Variants in ZNF544 observed in about 807,000 individuals in gnomAD.
The protein encoded by ZNF544 is zinc finger protein 544.
A neutral mutation model predicts 13.5 loss-of-function variants in ZNF544; 10 were observed. The observed-to-expected ratio is 0.74, with a 90% CI of 0.46 to 1.25. The LOEUF is 1.25. Among genes scored for constraint, ZNF544 ranks in the 50% most tolerant of loss-of-function variants. ZNF544 has a pLI of 0.00. For synonymous variants in ZNF544, 323 were observed against 300.5 expected (o/e 1.07, Z -0.77); for missense variants, 896 against 845.6 (o/e 1.06, Z -0.74).
intron 5 of ZNF544, 53 bp from the exon 6 acceptor site, chr19:58,246,658 A>G (rs372341140): frequency 1.3e-5 from 20 of 1,595,778 alleles, no homozygotes; most frequent in Admixed American, 1.7e-5. Flanking sequence ...GACCCAGGAC[A>G]TGGTTCTTGG....
chr19:58,277,332 G>A, exon 7 of ZNF544: 1 of 1,116,756 alleles, frequency 9.0e-7, no homozygotes, highest in East Asian at 3.2e-5. Flanking sequence ...CGTCCCCACT[G>A]GTAACGTCTT....
At position 58,262,887 on chromosome 19, in the gene ZNF544, G is replaced by A. The variant is rs1423654807; in HGVS notation, c.*133G>A. 2.7e-6 allele frequency: 4 copies of A among 1,488,414 alleles called. No homozygotes were observed. The highest frequency in any genetic ancestry group is 2.3e-5 in the East Asian group (1 of 43,104). The allele number at this position is 1,488,414 out of a possible 1,614,324, so 92.2% of individuals were successfully genotyped here. On this transcript the variant is annotated 3_prime_UTR_variant, in exon 7 of 7. Transcript: ENST00000687789. ...CGGTTGTGACTCATTGAACATCAGA[G>A]GACATATCCTGGAGAAAAGCCCTAC...
At chr19:58,274,614 T>C (rs1309836283) in intron 5 of ZNF544, among the ~76,000 whole-genome samples, 2 of 152,216 alleles carry the variant, frequency 1.3e-5, no homozygotes, top group East Asian at 1.9e-4. Context: ...ATTTGTGGTA[T>C]GTTGTTACCA....
intron 6 of ZNF544, among the ~76,000 whole-genome samples, chr19:58,260,087 C>A (rs1426348127): frequency 6.6e-6 from 1 of 152,076 alleles, no homozygotes; most frequent in East Asian, 1.9e-4. Context: ...AGAGCAAGAT[C>A]CTGACTGTAG....
chr19:58,253,860 A>C (rs1182196620), intron 6 of ZNF544, among the ~76,000 whole-genome samples: 1 of 152,260 alleles, frequency 6.6e-6, no homozygotes, highest in Non-Finnish European at 1.5e-5. Flanking sequence ...TTGCAAAGAC[A>C]AATATAAAAC....
At chr19:58,267,687 AAAAAAAAAAAAAAG>A (rs1179269234), downstream of ZNF544, 4 of 32,814 alleles carry the variant, frequency 1.2e-4, no homozygotes, top group African/African-American at 2.4e-4. Flanking sequence ...AAAAAAAAAA[AAAAAAAAAAAAAAG>A]GTCTGGTGCG....
At chr19:58,239,925 C>A (rs576212914) in intron 3 of ZNF544, among the ~76,000 whole-genome samples, 1 of 151,444 alleles carries the variant, frequency 6.6e-6, no homozygotes, top group Non-Finnish European at 1.5e-5. Context: ...TTACAGTGGT[C>A]AAAGGCACGC....
intron 4 of ZNF544, among the ~76,000 whole-genome samples, chr19:58,244,597 G>A (rs914531232): frequency 8.6e-5 from 13 of 151,958 alleles, no homozygotes; most frequent in Admixed American, 5.2e-4. Flanking sequence ...ATTTTTTGAC[G>A]TAGGATCTCC....
intron 6 of ZNF544, among the ~76,000 whole-genome samples, chr19:58,250,993 A>C (rs1342932055): frequency 6.6e-6 from 1 of 152,206 alleles, no homozygotes; most frequent in Admixed American, 6.5e-5. Flanking sequence ...GCTGATTCCC[A>C]TTATGCGTGG....
intron 3 of ZNF544, among the ~76,000 whole-genome samples, chr19:58,237,155 C>T (rs1023849325): frequency 1.3e-5 from 2 of 151,536 alleles, no homozygotes; most frequent in Non-Finnish European, 2.9e-5. Context: ...GCGTCTGTTC[C>T]CAGGCTCCAG....
At chr19:58,253,979 C>T (rs147704331) in intron 6 of ZNF544, among the ~76,000 whole-genome samples, 1,540 of 152,306 alleles carry the variant, frequency 0.01, 34 homozygotes, top group African/African-American at 0.035. Flanking sequence ...CGGTGGCTCA[C>T]GCCTGTAATC....
chr19:58,260,358 C>T (rs1288850125), intron 6 of ZNF544: 1 of 152,444 alleles, frequency 6.6e-6, no homozygotes, highest in Non-Finnish European at 1.5e-5. Flanking sequence ...TTCACTGCAA[C>T]CTCCACCTCC....
In ZNF544 at chr19:58,262,554, C is replaced by T; in HGVS notation, c.1948C>T (p.His650Tyr). The change falls in exon 7 of 7, where the codon CAT (histidine) becomes TAT (tyrosine). Residue 650 changes from histidine to tyrosine, a missense_variant. His to Tyr is a moderately conservative substitution (Grantham distance 83, BLOSUM62 2). Coordinates refer to ENST00000687789, the MANE Select transcript of ZNF544 (RefSeq NM_014480.4). ...AFARSSYLVMHQRTHTGEKPF... is the reference protein window; with the variant it reads ...AFARSSYLVMYQRTHTGEKPF... ...TGCAAGGAGCTCCTACCTTGTGATG[C>T]ATCAGAGAACTCACACTGGTGAGAA... is the stretch of plus-strand genomic sequence containing the variant. The T allele has an allele frequency of 6.2e-7, 1 of 1,614,200 alleles. No individual in the cohort carries two copies. Among genetic ancestry groups the T allele is most frequent in the East Asian group, 2.2e-5 (1 of 44,894 alleles).
intron 5 of ZNF544, among the ~76,000 whole-genome samples, chr19:58,269,700 C>G (rs1450495808): frequency 6.6e-6 from 1 of 151,608 alleles, no homozygotes; most frequent in Non-Finnish European, 1.5e-5. Flanking sequence ...GCAGGTGGAT[C>G]ACTCTAGGTT....
At chr19:58,258,372 G>A (rs2048027951) in intron 6 of ZNF544, 1 of 156,912 alleles carries the variant, frequency 6.4e-6, no homozygotes, top group African/African-American at 2.4e-5. Context: ...AAGTGTGAGA[G>A]TGCTGGGTGT....
chr19:58,267,947 C>T (rs2058511562), downstream of ZNF544, among the ~76,000 whole-genome samples: 1 of 151,756 alleles, frequency 6.6e-6, no homozygotes. Flanking sequence ...CGCCACTGCA[C>T]TCCATCCTGA....
chr19:58,248,025 T>C (rs2045633189), intron 6 of ZNF544, among the ~76,000 whole-genome samples: 1 of 152,008 alleles, frequency 6.6e-6, no homozygotes, highest in Non-Finnish European at 1.5e-5. Flanking sequence ...GTGATTTTCC[T>C]GCCTCAACCT....
chr19:58,257,333 C>T (rs537356882), intron 6 of ZNF544: 3 of 152,242 alleles, frequency 2.0e-5, no homozygotes, highest in African/African-American at 7.2e-5. Flanking sequence ...GGGAGCAGGC[C>T]CAAGCAAGGC....
At chr19:58,239,500 T>C (rs1483870412) in intron 3 of ZNF544, among the ~76,000 whole-genome samples, 2 of 152,244 alleles carry the variant, frequency 1.3e-5, no homozygotes, top group African/African-American at 4.8e-5. Flanking sequence ...TGGTGTTCAC[T>C]GTGTGCGGGT....
Sources: allele counts gnomAD v4.1 joint callset (sites outside exome capture counted in the v4.1 genomes callset), GRCh38; gene constraint gnomAD v4.1.1; transcripts MANE v1.5; gene names NCBI Gene and HGNC (gene_info 2026-07-23, HGNC 2026-07-21).